Variants in GALNT10 observed in about 807,000 individuals in gnomAD.
GALNT10 encodes GalNAc transferase 10.
In GALNT10, 41 loss-of-function variants were observed where a neutral mutation model predicts 75.0. The ratio of observed to expected loss-of-function variants is 0.55; its 90% CI spans 0.43 to 0.71. The LOEUF is 0.71. Among genes scored for constraint, GALNT10 ranks in the 30% least tolerant of loss-of-function variants. The probability of loss-of-function intolerance (pLI) is 0.00; values close to 1 mark genes in which losing one functional copy is unlikely to be tolerated. For missense variants in GALNT10, 727 were observed against 818.5 expected, an observed-to-expected ratio of 0.89 and a Z score of 1.36; for synonymous variants, 302 against 313.0, an observed-to-expected ratio of 0.96 and a Z score of 0.37.
At chr5:154,347,189 T>G (rs1361334405) in intron 4 of GALNT10, 4 of 501,012 alleles carry the variant, frequency 8.0e-6, no homozygotes, top group South Asian at 1.5e-5. Flanking sequence ...TTGTCTGATA[T>G]ACAACAGTGC....
chr5:154,219,832 TCTCTCTCA>T (rs756458062), intron 1 of GALNT10, among the ~76,000 whole-genome samples: 47 of 80,222 alleles, frequency 5.9e-4, no homozygotes, highest in Admixed American at 1.8e-3. Flanking sequence ...TCTCTCTCTC[TCTCTCTCA>T]CACACACACA....
chr5:154,412,612 C>A lies in GALNT10; in HGVS notation c.1387-277C>A. 2.9e-6 allele frequency: 1 copy of A among 346,646 alleles called. No individual in the cohort carries two copies. Among genetic ancestry groups the A allele is most frequent in the South Asian group, 2.7e-5 (1 of 36,480 alleles). The allele number at this position is 346,646 out of a possible 1,614,324, so 21.5% of individuals were successfully genotyped here. On this transcript the variant is annotated intron_variant, in intron 9 of 11. Coordinates refer to ENST00000297107, the MANE Select transcript of GALNT10 (RefSeq NM_198321.4). The surrounding 1 kb of genome is among the most constrained non-coding windows in gnomAD (Gnocchi z 4.2). ...GGAGTAGGGCCAGGGAGTCCTTTAC[C>A]AACTCCTCACCTCCACTCCCCCACC...
intron 4 of GALNT10, among the ~76,000 whole-genome samples, chr5:154,355,648 A>G (rs972001103): frequency 4.6e-5 from 7 of 152,230 alleles, no homozygotes; most frequent in Admixed American, 4.6e-4. Flanking sequence ...TATCCTATTT[A>G]TGGAGAATCT....
intron 7 of GALNT10, chr5:154,403,788 G>T: frequency 2.7e-6 from 1 of 368,788 alleles, no homozygotes; most frequent in Non-Finnish European, 5.1e-6. Context: ...ACATTTCTTA[G>T]CTTCTCTGAG....
intron 4 of GALNT10, among the ~76,000 whole-genome samples, chr5:154,331,041 C>G (rs1422337546): frequency 6.6e-6 from 1 of 151,984 alleles, no homozygotes; most frequent in African/African-American, 2.4e-5. Context: ...CGTTTCCTTC[C>G]TTTTCCTTAC....
At chr5:154,289,480 G>A (rs1188377857) in intron 1 of GALNT10, among the ~76,000 whole-genome samples, 1 of 152,188 alleles carries the variant, frequency 6.6e-6, no homozygotes, top group East Asian at 1.9e-4. Context: ...GTGCAGTGGT[G>A]TAATGCCCCT....
chr5:154,268,760 A>G (rs1753814237), intron 1 of GALNT10, among the ~76,000 whole-genome samples: 1 of 152,224 alleles, frequency 6.6e-6, no homozygotes, highest in Admixed American at 6.5e-5. Context: ...ATACTCTGGT[A>G]TAGGTCTTAA....
chr5:154,398,883 G>C (rs1027073786), intron 7 of GALNT10, among the ~76,000 whole-genome samples: 1 of 152,164 alleles, frequency 6.6e-6, no homozygotes, highest in Non-Finnish European at 1.5e-5. Flanking sequence ...CAGGCCATAG[G>C]GTGAAAAAAC....
chr5:154,295,154 C>T (rs1420693475), intron 2 of GALNT10, among the ~76,000 whole-genome samples: 1 of 152,184 alleles, frequency 6.6e-6, no homozygotes, highest in Non-Finnish European at 1.5e-5. Flanking sequence ...CTGCTGCCTG[C>T]AAGAATTTGC....
At chr5:154,198,799 A>G (rs1349164135) in intron 1 of GALNT10, among the ~76,000 whole-genome samples, 7 of 151,954 alleles carry the variant, frequency 4.6e-5, no homozygotes, top group South Asian at 2.1e-4. Flanking sequence ...CTGAGCCTTG[A>G]TTTTCTCATC....
At chr5:154,266,481 A>T (rs1311555703) in intron 1 of GALNT10, among the ~76,000 whole-genome samples, 4 of 151,748 alleles carry the variant, frequency 2.6e-5, no homozygotes, top group Non-Finnish European at 5.9e-5. Context: ...CCCTTTACCT[A>T]GTTTCCTATA....
chr5:154,264,977 C>T (rs1046769955), intron 1 of GALNT10, among the ~76,000 whole-genome samples: 1 of 152,138 alleles, frequency 6.6e-6, no homozygotes, highest in African/African-American at 2.4e-5. Flanking sequence ...GTCAGAGCTC[C>T]CTTCCTGACC....
chr5:154,271,925 G>A (rs1753871342), intron 1 of GALNT10, among the ~76,000 whole-genome samples: 3 of 152,212 alleles, frequency 2.0e-5, no homozygotes, highest in African/African-American at 7.2e-5. Flanking sequence ...AAAATGAAAT[G>A]AGGCCCTTCA....
At chr5:154,286,842 A>T (rs1754119145) in intron 1 of GALNT10, among the ~76,000 whole-genome samples, 1 of 152,198 alleles carries the variant, frequency 6.6e-6, no homozygotes, top group South Asian at 2.1e-4. Flanking sequence ...GGCCCAGCAG[A>T]CATAGACTCG....
At chr5:154,242,293 A>G (rs945843220) in intron 1 of GALNT10, among the ~76,000 whole-genome samples, 7 of 152,024 alleles carry the variant, frequency 4.6e-5, no homozygotes, top group African/African-American at 1.7e-4. Flanking sequence ...TGAGGAGGGT[A>G]CAGTCTCTGC....
chr5:154,205,592 C>T (rs1477043776), intron 1 of GALNT10, among the ~76,000 whole-genome samples: 1 of 152,174 alleles, frequency 6.6e-6, no homozygotes, highest in African/African-American at 2.4e-5. Flanking sequence ...TTACTCACGG[C>T]ACCTCAGAAT....
chr5:154,244,390 G>T (rs997821950), intron 1 of GALNT10, among the ~76,000 whole-genome samples: 4 of 152,014 alleles, frequency 2.6e-5, no homozygotes, highest in South Asian at 4.2e-4. Context: ...AACATAGTGA[G>T]ATCCTGTCTC....
At chr5:154,397,734 G>T (rs1297527860) in intron 7 of GALNT10, among the ~76,000 whole-genome samples, 1 of 152,246 alleles carries the variant, frequency 6.6e-6, no homozygotes, top group Non-Finnish European at 1.5e-5. Flanking sequence ...AACGGCAAAA[G>T]CCGTGGCCAG....
At chr5:154,318,355 C>T (rs1488019245) in intron 3 of GALNT10, among the ~76,000 whole-genome samples, 1 of 152,196 alleles carries the variant, frequency 6.6e-6, no homozygotes. Flanking sequence ...CAAACACCTA[C>T]TTAGTTTCCT....
Sources: gnomAD v4.1 joint callset for allele counts (sites outside exome capture counted in the v4.1 genomes callset) on GRCh38, gnomAD v4.1.1 for gene constraint, Gnocchi (gnomAD v3.1) non-coding constraint, MANE v1.5 for transcripts, NCBI Gene and HGNC (gene_info 2026-07-23, HGNC 2026-07-21) for gene names.